CDH7: variants seen among roughly 807,000 people sequenced by gnomAD.
CDH7 encodes the protein cadherin-7.
Under a neutral mutation model 71.8 loss-of-function variants are expected in CDH7, and 25 were observed. The ratio of observed to expected loss-of-function variants is 0.35; its 90% CI spans 0.25 to 0.49. The LOEUF is 0.49. Ranked by LOEUF, CDH7 falls within the 20% of genes least tolerant of loss-of-function variation. The pLI is 0.99. For synonymous variants in CDH7, 381 were observed against 363.8 expected, an observed-to-expected ratio of 1.05 and a Z score of -0.54; for missense variants, 862 against 974.6, an observed-to-expected ratio of 0.88 and a Z score of 1.54.
intron 11 of CDH7, chr18:65,865,726 A>C (rs1380982886): frequency 1.3e-5 from 2 of 152,164 alleles, no homozygotes; most frequent in East Asian, 1.9e-4. Context: ...ACTATTATAG[A>C]CTCTGGATTT....
chr18:65,853,906 CATATATATAT>C (rs4047846), intron 7 of CDH7, among the ~76,000 whole-genome samples: 427 of 34,134 alleles, frequency 0.013, 1 homozygote, highest in East Asian at 0.045. Flanking sequence ...CATAAATTAC[CATATATATAT>C]ATATATATAT....
intron 7 of CDH7, among the ~76,000 whole-genome samples, chr18:65,850,173 A>ATATATAT (rs145348057): frequency 0.12 from 8,062 of 64,862 alleles, 268 homozygotes; most frequent in Middle Eastern, 0.16. Context: ...CACTATATAT[A>ATATATAT]ATATATATAT....
At chr18:65,792,182 AGTCT>A (rs1910735220) in intron 2 of CDH7, among the ~76,000 whole-genome samples, 1 of 129,222 alleles carries the variant, frequency 7.7e-6, no homozygotes, top group African/African-American at 3.2e-5. Flanking sequence ...TGCTGCAGCC[AGTCT>A]TTTTTTTTTT....
At chr18:65,758,429 A>C (rs974134958) in intron 1 of CDH7, among the ~76,000 whole-genome samples, 1 of 152,210 alleles carries the variant, frequency 6.6e-6, no homozygotes, top group Non-Finnish European at 1.5e-5. Flanking sequence ...TAGAGGGCAT[A>C]TGTTCCTGGG....
At chr18:65,823,112 A>G (rs912248396) in intron 5 of CDH7, among the ~76,000 whole-genome samples, 1 of 151,858 alleles carries the variant, frequency 6.6e-6, no homozygotes, top group African/African-American at 2.4e-5. Context: ...CAAAAAACGA[A>G]CCTTTCTGAG....
chr18:65,821,852 C>G (rs1911941269), intron 4 of CDH7, among the ~76,000 whole-genome samples: 1 of 151,950 alleles, frequency 6.6e-6, no homozygotes, highest in Non-Finnish European at 1.5e-5. Context: ...AAAGATAATC[C>G]TCTTTATTCA....
chr18:65,825,500 A>G (rs1912095046), intron 6 of CDH7, among the ~76,000 whole-genome samples: 1 of 151,844 alleles, frequency 6.6e-6, no homozygotes, highest in South Asian at 2.1e-4. Flanking sequence ...CAATTTAGAG[A>G]TATGACTTTT....
chr18:65,765,760 G>A (rs540115885), intron 2 of CDH7, among the ~76,000 whole-genome samples: 9 of 152,068 alleles, frequency 5.9e-5, no homozygotes, highest in South Asian at 4.1e-4. Flanking sequence ...GATAACTACC[G>A]TATGTGTCAA....
chr18:65,756,858 C>A (rs1916043766), intron 1 of CDH7, among the ~76,000 whole-genome samples: 1 of 152,134 alleles, frequency 6.6e-6, no homozygotes, highest in Non-Finnish European at 1.5e-5. Flanking sequence ...AAAAAGCAGT[C>A]TAGAACATAT....
chr18:65,807,854 G>C (rs957045992), intron 2 of CDH7, among the ~76,000 whole-genome samples: 7 of 152,084 alleles, frequency 4.6e-5, no homozygotes, highest in African/African-American at 1.7e-4. Flanking sequence ...GATTTGGGGG[G>C]GTGATCAGGT....
intron 6 of CDH7, among the ~76,000 whole-genome samples, chr18:65,833,718 G>C (rs1294313036): frequency 6.6e-6 from 1 of 152,146 alleles, no homozygotes; most frequent in Non-Finnish European, 1.5e-5. Flanking sequence ...TGCTTGAGTA[G>C]TCAAGAGTAG....
chr18:65,874,040 T>C (rs1343651376), intron 11 of CDH7, among the ~76,000 whole-genome samples: 1 of 152,206 alleles, frequency 6.6e-6, no homozygotes, highest in African/African-American at 2.4e-5. Context: ...ATTGAGCACA[T>C]ACTTACTATC....
chr18:65,783,947 T>G (rs1295315112), intron 2 of CDH7, among the ~76,000 whole-genome samples: 2 of 151,392 alleles, frequency 1.3e-5, no homozygotes, highest in African/African-American at 4.9e-5. Flanking sequence ...TCATGATTTT[T>G]ATTTTATTTA....
At position 65,781,945 on chromosome 18, in the gene CDH7, TTTC is replaced by T. The variant is rs1910265426; in HGVS notation, c.210+18895_210+18897del. Among the ~76,000 whole-genome samples the T allele has an allele frequency of 2.1e-5, 2 of 94,612 alleles. 1 individual carries two copies. Among genetic ancestry groups the T allele is most frequent in the Non-Finnish European group, 3.8e-5 (2 of 52,488 alleles). The allele number at this position is 94,612 out of a possible 152,430, so 62.1% of individuals were successfully genotyped here. On this transcript the variant is annotated intron_variant, in intron 2 of 11. Coordinates refer to ENST00000397968, the MANE Select transcript of CDH7 (RefSeq NM_004361.5). ...CTTTCTCTCTCTCTCTCTCTCTCTC[TTTC>T]TCTCTTTCTCTCTTTCTCTCTCTCT...
intron 2 of CDH7, among the ~76,000 whole-genome samples, chr18:65,772,607 A>G (rs1435159312): frequency 2.6e-5 from 4 of 152,186 alleles, no homozygotes; most frequent in African/African-American, 7.2e-5. Flanking sequence ...TTGTAAAGCT[A>G]AAGTCATACA....
At chr18:65,794,519 T>C (rs569242341) in intron 2 of CDH7, among the ~76,000 whole-genome samples, 1 of 151,966 alleles carries the variant, frequency 6.6e-6, no homozygotes, top group Non-Finnish European at 1.5e-5. Flanking sequence ...AAGGAGGTCA[T>C]TGAGCTGTGG....
At chr18:65,771,167 T>C (rs1244444745) in intron 2 of CDH7, among the ~76,000 whole-genome samples, 1 of 152,136 alleles carries the variant, frequency 6.6e-6, no homozygotes, top group East Asian at 1.9e-4. Flanking sequence ...ATCAGTCACA[T>C]TGGGAGTTAG....
chr18:65,820,248 G>T (rs1328821501), intron 4 of CDH7, among the ~76,000 whole-genome samples: 1 of 150,814 alleles, frequency 6.6e-6, no homozygotes, highest in Non-Finnish European at 1.5e-5. Context: ...ATGAGCCAGT[G>T]TCTTTTTCAA....
intron 11 of CDH7, among the ~76,000 whole-genome samples, chr18:65,877,856 A>T (rs1323664046): frequency 6.6e-6 from 1 of 152,196 alleles, no homozygotes; most frequent in African/African-American, 2.4e-5. Context: ...CATGTATTTT[A>T]AAAATTGTTG....
Sources: gnomAD v4.1 joint callset for allele counts (sites outside exome capture counted in the v4.1 genomes callset) on GRCh38, gnomAD v4.1.1 for gene constraint, MANE v1.5 for transcripts, NCBI Gene and HGNC (gene_info 2026-07-23, HGNC 2026-07-21) for gene names.